The following ZNF385D variants were observed in gnomAD, a reference collection of about 807,000 sequenced individuals.
The protein encoded by ZNF385D is zinc finger protein 385D.
Under a neutral mutation model 35.8 loss-of-function variants are expected in ZNF385D, and 15 were observed. The ratio of observed to expected loss-of-function variants is 0.42; its 90% CI spans 0.28 to 0.64. The LOEUF (loss-of-function observed/expected upper bound fraction) is 0.64, where lower values mean the gene tolerates loss of function less well. Among genes scored for constraint, ZNF385D ranks in the 30% least tolerant of loss-of-function variants. The pLI is 0.23. For synonymous variants in ZNF385D, 212 were observed against 186.8 expected, an observed-to-expected ratio of 1.13 and a Z score of -1.10; for missense variants, 474 against 494.6, an observed-to-expected ratio of 0.96 and a Z score of 0.39.
intron 3 of ZNF385D, among the ~76,000 whole-genome samples, chr3:21,528,536 A>G (rs1575111348): frequency 6.6e-6 from 1 of 152,296 alleles, no homozygotes; most frequent in Non-Finnish European, 1.5e-5. Flanking sequence ...GAAGCTACCC[A>G]TTAAATATAT....
chr3:21,575,324 T>G (rs1442131284), intron 2 of ZNF385D, among the ~76,000 whole-genome samples: 1 of 152,104 alleles, frequency 6.6e-6, no homozygotes, highest in Non-Finnish European at 1.5e-5. Flanking sequence ...GTCTTACGGT[T>G]ACTTTGCTTT....
intron 3 of ZNF385D, among the ~76,000 whole-genome samples, chr3:21,804,437 T>C (rs1422158280): frequency 2.0e-5 from 3 of 152,122 alleles, no homozygotes; most frequent in Non-Finnish European, 2.9e-5. Context: ...TGAGTAAATA[T>C]CACAAGGAAG....
At chr3:22,000,977 C>A (rs1247305202) in intron 3 of ZNF385D, among the ~76,000 whole-genome samples, 1 of 151,262 alleles carries the variant, frequency 6.6e-6, no homozygotes, top group African/African-American at 2.4e-5. Context: ...AAATAAAATT[C>A]ATTTGTAGAG....
intron 3 of ZNF385D, among the ~76,000 whole-genome samples, chr3:22,005,897 A>G (rs1202565741): frequency 6.6e-6 from 1 of 152,102 alleles, no homozygotes; most frequent in Non-Finnish European, 1.5e-5. Context: ...ACTAAAGGTC[A>G]TTATTTTTGA....
intron 3 of ZNF385D, among the ~76,000 whole-genome samples, chr3:22,083,085 C>T (rs1559355327): frequency 6.6e-6 from 1 of 152,188 alleles, no homozygotes; most frequent in Non-Finnish European, 1.5e-5. Flanking sequence ...TCACCATCAT[C>T]AAAGACCAAA....
chr3:22,056,859 G>A (rs893068453), intron 3 of ZNF385D, among the ~76,000 whole-genome samples: 2 of 152,176 alleles, frequency 1.3e-5, no homozygotes, highest in African/African-American at 4.8e-5. Context: ...TCTCATTGTG[G>A]AGCCCAGGCT....
chr3:21,987,040 T>C (rs1325631973), intron 3 of ZNF385D, among the ~76,000 whole-genome samples: 2 of 108,196 alleles, frequency 1.8e-5, no homozygotes, highest in South Asian at 7.9e-4. Flanking sequence ...CCTCCATCCT[T>C]TTATTTTGAG....
chr3:22,181,054 T>C (rs2125779050), intron 2 of ZNF385D, among the ~76,000 whole-genome samples: 1 of 152,124 alleles, frequency 6.6e-6, no homozygotes, highest in East Asian at 1.9e-4. Flanking sequence ...TCAACTGCTG[T>C]CCATGCCTAG....
At chr3:21,537,124 C>CTTTTTTTTT (rs35873199) in intron 3 of ZNF385D, among the ~76,000 whole-genome samples, 3 of 95,012 alleles carry the variant, frequency 3.2e-5, no homozygotes, top group Non-Finnish European at 3.8e-5. Context: ...AAAATATCAA[C>CTTTTTTTTT]TTTTTTTTTT....
intron 3 of ZNF385D, among the ~76,000 whole-genome samples, chr3:21,785,157 A>G (rs2071637940): frequency 6.6e-6 from 1 of 152,124 alleles, no homozygotes; most frequent in Admixed American, 6.5e-5. Context: ...TTTGCCCCCA[A>G]ATCACGTAAC....
chr3:22,123,938 CTCTCTCTCTCTCTCTCTCTCTCTCTA>C (rs1703256502), intron 3 of ZNF385D, among the ~76,000 whole-genome samples: 1 of 95,434 alleles, frequency 1.0e-5, no homozygotes, highest in African/African-American at 3.9e-5. Context: ...CTCTCTCTCT[CTCTCTCTCTCTCTCTCTCTCTCTCTA>C]TATATATATA....
chr3:21,515,760 A>G (rs976789250), intron 3 of ZNF385D, among the ~76,000 whole-genome samples: 5 of 152,214 alleles, frequency 3.3e-5, no homozygotes, highest in Non-Finnish European at 5.9e-5. Context: ...CACCTTGTTC[A>G]GGGCTGAAAC....
chr3:21,616,958 A>G (rs1451646510), intron 2 of ZNF385D, among the ~76,000 whole-genome samples: 2 of 152,124 alleles, frequency 1.3e-5, no homozygotes, highest in East Asian at 3.9e-4. Context: ...TATTTTTTGA[A>G]AGGTCTCAAA....
At chr3:22,143,438 G>A (rs544122385) in intron 3 of ZNF385D, among the ~76,000 whole-genome samples, 5 of 152,148 alleles carry the variant, frequency 3.3e-5, no homozygotes, top group African/African-American at 1.2e-4. Flanking sequence ...AAGTAAACAG[G>A]GGAAGACCTT....
chr3:21,558,039 CCTTTT>C (rs1241685460), intron 3 of ZNF385D, among the ~76,000 whole-genome samples: 3 of 151,444 alleles, frequency 2.0e-5, no homozygotes, highest in Non-Finnish European at 4.4e-5. Context: ...TATTCTTCTC[CCTTTT>C]CTTTATTAGT....
intron 3 of ZNF385D, among the ~76,000 whole-genome samples, chr3:22,077,038 T>G (rs1459516672): frequency 2.0e-5 from 3 of 151,944 alleles, no homozygotes; most frequent in Non-Finnish European, 1.5e-5. Context: ...TAAGTGTGAG[T>G]TATTTTCAGA....
chr3:21,850,451 A>G (rs2125808122), intron 3 of ZNF385D, among the ~76,000 whole-genome samples: 1 of 152,214 alleles, frequency 6.6e-6, no homozygotes, highest in Non-Finnish European at 1.5e-5. Context: ...CAAAAATCAG[A>G]GATTGACATG....
intron 4 of ZNF385D, among the ~76,000 whole-genome samples, chr3:21,437,962 C>T (rs3849537): frequency 0.28 from 42,451 of 151,912 alleles, 6,954 homozygotes; most frequent in African/African-American, 0.46. Flanking sequence ...GATGGCCACA[C>T]CATGCTGTTG....
intron 3 of ZNF385D, among the ~76,000 whole-genome samples, chr3:22,001,983 A>C (rs1695870890): frequency 6.6e-6 from 1 of 152,028 alleles, no homozygotes; most frequent in Admixed American, 6.6e-5. Flanking sequence ...TGGCTATATC[A>C]AAGAAGTAGA....
Sources: gnomAD v4.1 joint callset for allele counts (sites outside exome capture counted in the v4.1 genomes callset) on GRCh38, gnomAD v4.1.1 for gene constraint, MANE v1.5 for transcripts, NCBI Gene and HGNC (gene_info 2026-07-23, HGNC 2026-07-21) for gene names.